Variants in SLC35F2 observed in about 807,000 individuals in gnomAD.
The protein encoded by SLC35F2 is queuine/queuosine transporter SLC35F2.
A neutral mutation model predicts 38.1 loss-of-function variants in SLC35F2; 25 were observed. That is an observed-to-expected ratio of 0.66 (90% confidence interval 0.48 to 0.92). The LOEUF (loss-of-function observed/expected upper bound fraction) is 0.92. Among genes scored for constraint, SLC35F2 ranks in the 40% least tolerant of loss-of-function variants. SLC35F2 has a pLI of 0.00. For missense variants in SLC35F2, 409 were observed against 452.9 expected, an observed-to-expected ratio of 0.90 and a Z score of 0.88; for synonymous variants, 173 against 181.7, an observed-to-expected ratio of 0.95 and a Z score of 0.38.
At chr11:107,811,272 A>G (rs1056255870) in intron 3 of SLC35F2, 7 of 984,764 alleles carry the variant, frequency 7.1e-6, no homozygotes, top group South Asian at 9.4e-5. Flanking sequence ...GTTTCTTCCA[A>G]TGGTTTCTTT....
chr11:107,817,799 T>C (rs6588979), intron 1 of SLC35F2, among the ~76,000 whole-genome samples: 34,604 of 151,466 alleles, frequency 0.23, 7,235 homozygotes, highest in African/African-American at 0.56. Context: ...TGGCTCACGC[T>C]TGTAATCCCA....
Position 107,803,070 on chromosome 11 carries a change from G to A in SLC35F2, c.870C>T (p.Ser290=), listed in dbSNP as rs749469911. 1.7e-5 allele frequency: 27 copies of A among 1,613,880 alleles called. No homozygotes were observed. The highest frequency in any genetic ancestry group is 2.2e-5 in the East Asian group (1 of 44,866). Residue 290 remains serine (S), a synonymous_variant, in exon 7 of 8, where the codon TCC becomes TCT. Coordinates refer to ENST00000525815, the MANE Select transcript of SLC35F2 (RefSeq NM_017515.5). ...PLVIKVTSAT[S]VNLGILTADL... is the part of the protein sequence containing the mutation. Reference sequence around the variant, plus strand: ...CCGCTGTCAGGATGCCCAGGTTGACGGAAGTGGCACTAGTGACTTTAATCA... The same window carrying A: ...CCGCTGTCAGGATGCCCAGGTTGACAGAAGTGGCACTAGTGACTTTAATCA...
chr11:107,835,684 C>A (rs1301687501), intron 1 of SLC35F2, among the ~76,000 whole-genome samples: 1 of 152,128 alleles, frequency 6.6e-6, no homozygotes, highest in Non-Finnish European at 1.5e-5. Context: ...CCTGCCTCAG[C>A]CTCCCAAACA....
intron 3 of SLC35F2, chr11:107,810,246 C>G: frequency 1.0e-6 from 1 of 985,340 alleles, no homozygotes; most frequent in Non-Finnish European, 1.2e-6. Flanking sequence ...CAACCAAATG[C>G]TTAGGTTTTT....
chr11:107,855,802 A>G lies in SLC35F2; in HGVS notation c.110+2856T>C, dbSNP rs560679163. On this transcript the variant is annotated intron_variant, in intron 1 of 7. Coordinates refer to ENST00000525815, the MANE Select transcript of SLC35F2 (RefSeq NM_017515.5). ...AACATACCCGGATTCCAAAAGTATC[A>G]GAACATTAGGAGAGAAAAAAAAAAA... 8.4e-5 allele frequency among the ~76,000 whole-genome samples: 9 copies of G among 106,894 alleles called. No homozygotes were observed. In the South Asian group the frequency reaches 2.2e-3, roughly 27 times the overall value. The allele number at this position is 106,894 out of a possible 152,430, so 70.1% of individuals were successfully genotyped here. A position where few individuals can be genotyped will look rare whatever the true frequency, so the allele number is the denominator to read the frequency against.
intron 3 of SLC35F2, chr11:107,810,157 T>C (rs1859460460): frequency 1.0e-6 from 1 of 985,364 alleles, no homozygotes; most frequent in East Asian, 1.1e-4. Flanking sequence ...CTGTCGCTGC[T>C]GCTGGAGAAA....
chr11:107,840,464 C>T (rs778974550), intron 1 of SLC35F2, among the ~76,000 whole-genome samples: 24 of 152,176 alleles, frequency 1.6e-4, no homozygotes, highest in Non-Finnish European at 3.1e-4. Flanking sequence ...TTCTGAAGGA[C>T]GATTCTCTTT....
In SLC35F2 at chr11:107,792,619, A is replaced by G; in HGVS notation, c.1121T>C (p.Leu374Ser). ...TGGGTGCGCCATCTTCTCCAGCTACAAGACAGCAGAGTGGGTCTCCTGGAG... is the reference window on the plus strand; with the variant it reads ...TGGGTGCGCCATCTTCTCCAGCTACGAGACAGCAGAGTGGGTCTCCTGGAG... ...ENLQETHSAV[L>S] is the part of the protein sequence containing the mutation. The change falls in exon 8 of 8, where the codon TTG (leucine) becomes TCG (serine). Residue 374 changes from leucine (L) to serine (S), a missense_variant. Transcript: ENST00000525815. The G allele has an allele frequency of 6.2e-7, 1 of 1,608,130 alleles. No individual in the cohort carries two copies. Among genetic ancestry groups the G allele is most frequent in the Non-Finnish European group, 8.5e-7 (1 of 1,177,756 alleles).
chr11:107,793,753 A>C (rs1859170822), intron 7 of SLC35F2, among the ~76,000 whole-genome samples: 1 of 152,192 alleles, frequency 6.6e-6, no homozygotes, highest in Admixed American at 6.5e-5. Context: ...GGTGAGGACA[A>C]TCATAGGAAA....
intron 7 of SLC35F2, among the ~76,000 whole-genome samples, chr11:107,797,463 G>A (rs1277290029): frequency 6.6e-6 from 1 of 152,064 alleles, no homozygotes; most frequent in Non-Finnish European, 1.5e-5. Context: ...TAAGGTGGGA[G>A]GATCACTTGA....
At chr11:107,854,155 G>A (rs958478693) in intron 1 of SLC35F2, among the ~76,000 whole-genome samples, 6 of 152,148 alleles carry the variant, frequency 3.9e-5, no homozygotes, top group Non-Finnish European at 8.8e-5. Flanking sequence ...AATAATACCA[G>A]GTGCAGTGGG....
At chr11:107,822,483 C>A (rs1859688384) in intron 1 of SLC35F2, among the ~76,000 whole-genome samples, 1 of 152,140 alleles carries the variant, frequency 6.6e-6, no homozygotes, top group Admixed American at 6.6e-5. Flanking sequence ...AGAATTAAGA[C>A]TCACCTATTT....
In SLC35F2 at chr11:107,791,639, C is replaced by T. The variant is rs1037176168; in HGVS notation, c.*976G>A. The T allele has an allele frequency of 2.6e-5, 4 of 152,156 alleles. No homozygotes were observed. Among genetic ancestry groups the T allele is most frequent in the Non-Finnish European group, 5.9e-5 (4 of 68,104 alleles). The allele number at this position is 152,156 out of a possible 1,614,324, so 9.4% of individuals were successfully genotyped here. A position where few individuals can be genotyped will look rare whatever the true frequency, so the allele number is the denominator to read the frequency against. On this transcript the variant is annotated 3_prime_UTR_variant, in exon 8 of 8. Coordinates refer to ENST00000525815, the MANE Select transcript of SLC35F2 (RefSeq NM_017515.5). ...CTGTAATCCTAGCACTTTCGGAGGC[C>T]GAGGTGGGCAGATCGCTTTAGCTCA...
chr11:107,818,863 AGGCGTGGT>A (rs1392913757), intron 1 of SLC35F2, among the ~76,000 whole-genome samples: 1 of 151,982 alleles, frequency 6.6e-6, no homozygotes, highest in African/African-American at 2.4e-5. Context: ...ACAGATGGTG[AGGCGTGGT>A]GGCTCACGCC....
At chr11:107,838,682 G>A (rs757915299) in intron 1 of SLC35F2, among the ~76,000 whole-genome samples, 62 of 132,626 alleles carry the variant, frequency 4.7e-4, no homozygotes, top group Non-Finnish European at 9.3e-4. Flanking sequence ...AGGCTGGAGT[G>A]CAGTGGCGCT....
At position 107,843,513 on chromosome 11, in the gene SLC35F2, G is replaced by A. The variant is rs12275860; in HGVS notation, c.110+15145C>T. The stretch of plus-strand genomic sequence containing the variant: ...TACAGTGAGCCAAGATCGCACCATT[G>A]CACTCCAGCCTGGGCAACAAAAGCG... On this transcript the variant is annotated intron_variant, in intron 1 of 7. Transcript: ENST00000525815. Among the ~76,000 whole-genome samples the A allele has an allele frequency of 7.8e-3, 1,155 of 149,000 alleles. 14 individuals carry two copies. Among genetic ancestry groups the A allele is most frequent in the African/African-American group, 0.027 (1,089 of 40,318 alleles).
At chr11:107,847,860 G>C (rs1860123146) in intron 1 of SLC35F2, among the ~76,000 whole-genome samples, 1 of 152,178 alleles carries the variant, frequency 6.6e-6, no homozygotes, top group Non-Finnish European at 1.5e-5. Context: ...AGTGCCAAGT[G>C]AGAGAGGGAC....
intron 2 of SLC35F2, among the ~76,000 whole-genome samples, chr11:107,815,403 A>T (rs1025412616): frequency 5.3e-5 from 8 of 150,850 alleles, no homozygotes; most frequent in African/African-American, 1.7e-4. Flanking sequence ...AAAAAAAAAA[A>T]AAAATTAGCC....
intron 1 of SLC35F2, among the ~76,000 whole-genome samples, chr11:107,852,803 A>G (rs1463920546): frequency 5.3e-5 from 8 of 150,598 alleles, no homozygotes. Flanking sequence ...TGAACCCAGG[A>G]GGCGGAGGCT....
Sources: allele counts gnomAD v4.1 joint callset (sites outside exome capture counted in the v4.1 genomes callset), GRCh38; gene constraint gnomAD v4.1.1; transcripts MANE v1.5; gene names NCBI Gene and HGNC (gene_info 2026-07-23, HGNC 2026-07-21).